ARHGAP24: variants seen among roughly 807,000 people sequenced by gnomAD.
The protein encoded by ARHGAP24 is rho GTPase-activating protein 24.
In ARHGAP24, 50 loss-of-function variants were observed where a neutral mutation model predicts 76.4. That is an observed-to-expected ratio of 0.65 (90% CI 0.52 to 0.83). The LOEUF is 0.83. ARHGAP24 is among the 40% of genes least tolerant of loss of function. ARHGAP24 has a pLI of 0.00. For missense variants in ARHGAP24, 930 were observed against 914.2 expected (o/e 1.02, Z -0.22); for synonymous variants, 345 against 323.3 (o/e 1.07, Z -0.72).
At chr4:85,827,664 T>C (rs555240123) in intron 3 of ARHGAP24, 12 of 212,618 alleles carry the variant, frequency 5.6e-5, no homozygotes, top group African/African-American at 2.3e-4. Flanking sequence ...GAGTTTAGGG[T>C]CTTTCCATGA....
chr4:85,621,580 G>C (rs1378789671), intron 2 of ARHGAP24, among the ~76,000 whole-genome samples: 1 of 151,868 alleles, frequency 6.6e-6, no homozygotes, highest in Non-Finnish European at 1.5e-5. Flanking sequence ...AGAAGTGTCT[G>C]TTCACATCCT....
At chr4:85,853,485 A>C in intron 3 of ARHGAP24, among the ~76,000 whole-genome samples, 1 of 152,130 alleles carries the variant, frequency 6.6e-6, no homozygotes, top group South Asian at 2.1e-4. Flanking sequence ...GGGTGTACCC[A>C]CTGTCCAACC....
intron 3 of ARHGAP24, among the ~76,000 whole-genome samples, chr4:85,831,384 T>A (rs1729986060): frequency 6.6e-6 from 1 of 152,200 alleles, no homozygotes; most frequent in Admixed American, 6.5e-5. Context: ...CTTAAGGGAA[T>A]TTTAAAGAAC....
At chr4:85,588,263 T>TAATTG (rs1397973675) in intron 2 of ARHGAP24, among the ~76,000 whole-genome samples, 1 of 152,234 alleles carries the variant, frequency 6.6e-6, no homozygotes, top group African/African-American at 2.4e-5. Context: ...TGTTGCTTTT[T>TAATTG]AATTGTTGAC....
Position 85,994,576 on chromosome 4 carries a change from A to G in ARHGAP24, c.929-7A>G, listed in dbSNP as rs755559067. ...CTCATGCTACTTTATGTTCTATGCAATTCTAGGCACTGTGGTGGTCCAGCA... is the reference window on the plus strand; with the variant it reads ...CTCATGCTACTTTATGTTCTATGCAGTTCTAGGCACTGTGGTGGTCCAGCA... On this transcript the variant is annotated splice_region_variant and splice_polypyrimidine_tract_variant and intron_variant, in intron 8 of 9. Coordinates refer to ENST00000395184, the MANE Select transcript of ARHGAP24 (RefSeq NM_001025616.3). The G allele has an allele frequency of 6.2e-7, 1 of 1,613,904 alleles. No individual in the cohort carries two copies. Among genetic ancestry groups the G allele is most frequent in the Non-Finnish European group, 8.5e-7 (1 of 1,179,790 alleles).
At chr4:85,608,458 T>G (rs943256024) in intron 2 of ARHGAP24, among the ~76,000 whole-genome samples, 1 of 152,132 alleles carries the variant, frequency 6.6e-6, no homozygotes, top group South Asian at 2.1e-4. Context: ...TATTTATTAT[T>G]TACATATAAA....
chr4:85,884,144 C>G (rs1003889498), intron 3 of ARHGAP24, among the ~76,000 whole-genome samples: 11 of 152,180 alleles, frequency 7.2e-5, no homozygotes, highest in African/African-American at 2.7e-4. Context: ...TTAACACTCT[C>G]AACTGCTCCA....
intron 8 of ARHGAP24, among the ~76,000 whole-genome samples, chr4:85,992,626 A>G (rs971111322): frequency 6.6e-6 from 1 of 152,180 alleles, no homozygotes; most frequent in Admixed American, 6.5e-5. Context: ...CGTGTGGGCA[A>G]ATAGTAAAAT....
chr4:85,717,387 T>G (rs1388749120), intron 2 of ARHGAP24, among the ~76,000 whole-genome samples: 1 of 152,136 alleles, frequency 6.6e-6, no homozygotes, highest in Admixed American at 6.6e-5. Context: ...ATTAATTGCT[T>G]TATGATAACA....
At chr4:85,767,374 C>T (rs1049129278) in intron 3 of ARHGAP24, among the ~76,000 whole-genome samples, 5 of 152,104 alleles carry the variant, frequency 3.3e-5, no homozygotes, top group Non-Finnish European at 4.4e-5. Flanking sequence ...TGTATTATGT[C>T]ACCATCATAC....
chr4:85,514,441 A>G (rs1237320882), intron 1 of ARHGAP24, among the ~76,000 whole-genome samples: 1 of 152,128 alleles, frequency 6.6e-6, no homozygotes, highest in Admixed American at 6.6e-5. Context: ...TACATAGTGT[A>G]TAATTTTTCC....
intron 8 of ARHGAP24, among the ~76,000 whole-genome samples, chr4:85,992,713 T>C (rs983154198): frequency 6.6e-6 from 1 of 152,198 alleles, no homozygotes; most frequent in Non-Finnish European, 1.5e-5. Context: ...ATTCTTTTTA[T>C]CAGATTCACT....
chr4:85,605,428 G>C (rs960257903), intron 2 of ARHGAP24, among the ~76,000 whole-genome samples: 1 of 152,132 alleles, frequency 6.6e-6, no homozygotes, highest in Non-Finnish European at 1.5e-5. Flanking sequence ...GAAATAATCA[G>C]AGAAGTATAC....
At position 85,508,317 on chromosome 4, in the gene ARHGAP24, G is replaced by A. The variant is rs377399747; in HGVS notation, c.-21+32758G>A. Among the ~76,000 whole-genome samples, 5 of 152,152 alleles carry A rather than the reference G, an allele frequency of 3.3e-5. No individual in the cohort carries two copies. In the East Asian group the frequency reaches 5.8e-4, roughly 18 times the overall value. On this transcript the variant is annotated intron_variant, in intron 1 of 9. Coordinates refer to ENST00000395184, the MANE Select transcript of ARHGAP24 (RefSeq NM_001025616.3). ...TTTTTATTAGGGAAGATACTGCATT[G>A]TTTTATGCTAACTTTCAACTTTAAA...
At chr4:85,910,125 G>T in intron 3 of ARHGAP24, among the ~76,000 whole-genome samples, 1 of 152,166 alleles carries the variant, frequency 6.6e-6, no homozygotes, top group East Asian at 1.9e-4. Flanking sequence ...CCAGGCTGCG[G>T]CTAGACCAGG....
chr4:85,713,011 G>T (rs530699229), intron 2 of ARHGAP24, among the ~76,000 whole-genome samples: 1 of 152,154 alleles, frequency 6.6e-6, no homozygotes, highest in African/African-American at 2.4e-5. Flanking sequence ...TAAAATGTAT[G>T]TCTAGGCTGG....
chr4:85,867,283 T>C (rs1418996700), intron 3 of ARHGAP24, among the ~76,000 whole-genome samples: 1 of 152,116 alleles, frequency 6.6e-6, no homozygotes, highest in Non-Finnish European at 1.5e-5. Context: ...CTAAATGTCA[T>C]AGCTATTTAT....
intron 5 of ARHGAP24, among the ~76,000 whole-genome samples, chr4:85,965,261 C>T (rs1738520389): frequency 6.6e-6 from 1 of 152,004 alleles, no homozygotes; most frequent in African/African-American, 2.4e-5. Context: ...CAGGCAGACT[C>T]CCCATTTTTA....
intron 2 of ARHGAP24, among the ~76,000 whole-genome samples, chr4:85,709,452 G>A (rs1049160529): frequency 6.6e-6 from 1 of 151,960 alleles, no homozygotes; most frequent in African/African-American, 2.4e-5. Context: ...TAGTAAATTA[G>A]GAATAGAGGG....
Sources: allele counts gnomAD v4.1 joint callset (sites outside exome capture counted in the v4.1 genomes callset), GRCh38; gene constraint gnomAD v4.1.1; transcripts MANE v1.5; gene names NCBI Gene and HGNC (gene_info 2026-07-23, HGNC 2026-07-21).